UNC13C: variants seen among roughly 807,000 people sequenced by gnomAD.
UNC13C encodes unc-13 homolog C.
A neutral mutation model predicts 245.4 loss-of-function variants in UNC13C; 174 were observed. The observed-to-expected ratio is 0.71, with a 90% CI of 0.63 to 0.80. UNC13C has a LOEUF of 0.80. Among genes scored for constraint, UNC13C ranks in the 30% least tolerant of loss-of-function variants. The probability of loss-of-function intolerance (pLI) is 0.00; values close to 1 mark genes in which losing one functional copy is unlikely to be tolerated. For synonymous variants in UNC13C, 992 were observed against 895.1 expected (o/e 1.11, Z -1.93); for missense variants, 2,829 against 2,602.9 (o/e 1.09, Z -1.89).
At chr15:54,266,199 C>T (rs1271288755) in intron 10 of UNC13C, among the ~76,000 whole-genome samples, 1 of 151,666 alleles carries the variant, frequency 6.6e-6, no homozygotes, top group Non-Finnish European at 1.5e-5. Flanking sequence ...GTAAATACAC[C>T]CAGAACATAT....
chr15:54,409,483 A>T (rs2040374058), intron 18 of UNC13C, among the ~76,000 whole-genome samples: 1 of 152,076 alleles, frequency 6.6e-6, no homozygotes, highest in Admixed American at 6.6e-5. Context: ...CACCCAGATG[A>T]TAAGCATAGT....
chr15:54,414,958 C>G (rs752870854), intron 18 of UNC13C, 24 bp from the exon 19 acceptor site: 3 of 1,596,450 alleles, frequency 1.9e-6, no homozygotes, highest in Non-Finnish European at 2.6e-6. Context: ...TCTTCATACA[C>G]TAATACAATG....
rs376965914 is a variant in UNC13C, at chr15:54,264,257, A to G, written c.3538A>G (p.Lys1180Glu). 1.3e-6 allele frequency: 2 copies of G among 1,598,366 alleles called. No homozygotes were observed. The highest frequency in any genetic ancestry group is 8.5e-7 in the Non-Finnish European group (1 of 1,172,002). ...GAAAGAAAGAATGAAGATCAGGGAG[A>G]AAAACCGGCCAGAAGTATTTGAAGT... is the stretch of plus-strand genomic sequence containing the variant. ...AMKERMKIRE[K>E]NRPEVFEVIQ... Residue 1180 changes from lysine (K) to glutamate (E), a missense_variant, in exon 9 of 33, where the codon AAA becomes GAA. Transcript: ENST00000260323.
At chr15:54,536,089 A>G (rs923352411) in intron 26 of UNC13C, among the ~76,000 whole-genome samples, 1 of 152,052 alleles carries the variant, frequency 6.6e-6, no homozygotes, top group East Asian at 1.9e-4. Context: ...CACTAGCTAG[A>G]CTAATAAGGG....
intron 18 of UNC13C, among the ~76,000 whole-genome samples, chr15:54,394,624 C>A (rs2040033485): frequency 6.6e-6 from 1 of 151,780 alleles, no homozygotes; most frequent in South Asian, 2.1e-4. Context: ...TGTCCTTGGA[C>A]TGGGATAGGC....
At chr15:54,158,305 A>G (rs2032834958) in intron 4 of UNC13C, among the ~76,000 whole-genome samples, 1 of 152,132 alleles carries the variant, frequency 6.6e-6, no homozygotes. Context: ...CTTTCCATGC[A>G]TGGTGCAGTG....
chr15:54,507,076 C>A, intron 22 of UNC13C, 41 bp from the exon 23 acceptor site: 1 of 1,356,872 alleles, frequency 7.4e-7, no homozygotes, highest in Non-Finnish European at 1.0e-6. Flanking sequence ...TTGTAAACTA[C>A]ATACTTACCT....
At chr15:54,225,958 C>G (rs1459101129) in intron 4 of UNC13C, among the ~76,000 whole-genome samples, 2 of 151,978 alleles carry the variant, frequency 1.3e-5, no homozygotes, top group African/African-American at 2.4e-5. Flanking sequence ...ATAAATGGCT[C>G]TTATTATTTT....
At chr15:53,886,210 A>G in the UNC13C span, among the ~76,000 whole-genome samples, 1 of 152,326 alleles carries the variant, frequency 6.6e-6, no homozygotes, top group South Asian at 2.1e-4. Context: ...CTGGTTTCTA[A>G]TATCATTCTC....
intron 1 of UNC13C, among the ~76,000 whole-genome samples, chr15:54,003,437 A>C (rs1034910219): frequency 7.2e-5 from 11 of 152,158 alleles, no homozygotes; most frequent in African/African-American, 2.4e-4. Flanking sequence ...GTAAACAGGC[A>C]AAGCTTATTC....
At chr15:54,603,576 A>G (rs1025502904) in intron 30 of UNC13C, among the ~76,000 whole-genome samples, 1 of 152,100 alleles carries the variant, frequency 6.6e-6, no homozygotes, top group Non-Finnish European at 1.5e-5. Context: ...AAATATGAAG[A>G]ACTGGCCAGG....
chr15:54,404,579 C>A (rs919840770), intron 18 of UNC13C, among the ~76,000 whole-genome samples: 4 of 151,976 alleles, frequency 2.6e-5, no homozygotes, highest in Admixed American at 2.6e-4. Flanking sequence ...AGAGCTCTAC[C>A]TTAGAGAATT....
intron 30 of UNC13C, among the ~76,000 whole-genome samples, chr15:54,585,633 C>A (rs899706261): frequency 6.6e-6 from 1 of 152,092 alleles, no homozygotes; most frequent in African/African-American, 2.4e-5. Context: ...TAAATGAAAA[C>A]ATAATCTCCT....
At chr15:54,355,052 C>A (rs2039063866) in intron 17 of UNC13C, among the ~76,000 whole-genome samples, 1 of 152,118 alleles carries the variant, frequency 6.6e-6, no homozygotes, top group Non-Finnish European at 1.5e-5. Context: ...AGCCTCCTTG[C>A]CACGTGATGC....
intron 32 of UNC13C, among the ~76,000 whole-genome samples, chr15:54,624,776 G>GGAGGT (rs1262396256): frequency 6.6e-6 from 1 of 152,112 alleles, no homozygotes; most frequent in Non-Finnish European, 1.5e-5. Flanking sequence ...GCCATAGGCT[G>GGAGGT]GAGGTAGAAC....
intron 32 of UNC13C, among the ~76,000 whole-genome samples, chr15:54,625,740 G>C (rs1901097689): frequency 6.6e-6 from 1 of 152,198 alleles, no homozygotes; most frequent in Non-Finnish European, 1.5e-5. Context: ...TCTATCAAAA[G>C]GGTCCTAATA....
At chr15:54,214,193 C>G (rs1190874799) in intron 4 of UNC13C, among the ~76,000 whole-genome samples, 1 of 151,770 alleles carries the variant, frequency 6.6e-6, no homozygotes, top group Non-Finnish European at 1.5e-5. Flanking sequence ...AATGAGACAA[C>G]AACGGAATAA....
In UNC13C at chr15:54,325,761, A is replaced by G. The variant is rs372540402; in HGVS notation, c.4425+3666A>G. ...TAACTTTATAACAACATTCTGAAAG[A>G]AAGCGTGAAATTGGATGAGGAAACA... On this transcript the variant is annotated intron_variant, in intron 14 of 32. Transcript: ENST00000260323. Among the ~76,000 whole-genome samples, 6 of 152,228 alleles carry G rather than the reference A, an allele frequency of 3.9e-5. No individual in the cohort carries two copies. The East Asian group carries it at 7.8e-4, about 20-fold the overall frequency.
the UNC13C span, among the ~76,000 whole-genome samples, chr15:53,917,356 G>T: frequency 6.6e-6 from 1 of 152,082 alleles, no homozygotes; most frequent in African/African-American, 2.4e-5. Flanking sequence ...TTTTAAGACT[G>T]GAAACCTGAA....
Sources: gnomAD v4.1 joint callset for allele counts (sites outside exome capture counted in the v4.1 genomes callset) on GRCh38, gnomAD v4.1.1 for gene constraint, MANE v1.5 for transcripts, NCBI Gene and HGNC (gene_info 2026-07-23, HGNC 2026-07-21) for gene names.